The following NOSTRIN variants were observed in gnomAD, a reference collection of about 807,000 sequenced individuals.
The protein encoded by NOSTRIN is nitric oxide synthase trafficking.
A neutral mutation model predicts 59.0 loss-of-function variants in NOSTRIN; 63 were observed. The ratio of observed to expected loss-of-function variants is 1.07; its 90% confidence interval spans 0.87 to 1.32. The LOEUF (loss-of-function observed/expected upper bound fraction) is 1.32. Among genes scored for constraint, NOSTRIN ranks in the 40% most tolerant of loss-of-function variants. NOSTRIN has a pLI of 0.00. For missense variants in NOSTRIN, 512 were observed against 473.1 expected (o/e 1.08, Z -0.76); for synonymous variants, 200 against 165.4 (o/e 1.21, Z -1.61).
chr2:168,821,756 A>C (rs1686755416), intron 2 of NOSTRIN, among the ~76,000 whole-genome samples: 1 of 152,348 alleles, frequency 6.6e-6, no homozygotes, highest in African/African-American at 2.4e-5. Context: ...CTCTCGGCAG[A>C]GGCCACAGCA....
At chr2:168,788,712 T>G (rs971419095) in intron 2 of NOSTRIN, among the ~76,000 whole-genome samples, 46 of 152,110 alleles carry the variant, frequency 3.0e-4, no homozygotes, top group African/African-American at 1.1e-3. Flanking sequence ...TTCTCACTGC[T>G]GGAAAAGGGA....
intron 2 of NOSTRIN, among the ~76,000 whole-genome samples, chr2:168,790,050 T>G (rs1348319900): frequency 6.6e-6 from 1 of 152,222 alleles, no homozygotes; most frequent in African/African-American, 2.4e-5. Flanking sequence ...AGCTCATTCT[T>G]GTTTTAGTCA....
chr2:168,837,600 C>T (rs576001325), intron 7 of NOSTRIN, among the ~76,000 whole-genome samples: 36 of 152,172 alleles, frequency 2.4e-4, no homozygotes, highest in South Asian at 1.0e-3. Flanking sequence ...TGAGCCACCG[C>T]GCCCGGTCAC....
chr2:168,858,583 C>A (rs1689257288), intron 12 of NOSTRIN, among the ~76,000 whole-genome samples: 1 of 152,178 alleles, frequency 6.6e-6, no homozygotes, highest in Non-Finnish European at 1.5e-5. Flanking sequence ...AGAAGAAGAA[C>A]TAGATGTGCT....
chr2:168,855,586 C>T (rs1689029823), intron 11 of NOSTRIN, 126 bp downstream of exon 11: 1 of 194,474 alleles, frequency 5.1e-6, no homozygotes, highest in Non-Finnish European at 9.5e-6. Flanking sequence ...AACCATATAT[C>T]AAACTTCAGT....
Position 168,819,347 on chromosome 2 carries a change from C to T in NOSTRIN, c.114-5287C>T, listed in dbSNP as rs117667685. 5.7e-4 allele frequency among the ~76,000 whole-genome samples: 86 copies of T among 152,190 alleles called. No individual in the cohort carries two copies. In the East Asian group the frequency reaches 0.014, roughly 24 times the overall value. On this transcript the variant is annotated intron_variant, in intron 2 of 15. Coordinates refer to ENST00000317647, the MANE Select transcript of NOSTRIN (RefSeq NM_001039724.4). Reference sequence around the variant, plus strand: ...GGATACATATACTGCCTCATTAGACCGGAAGCATGGAAGAGCCGTGGAAGT... The same window carrying T: ...GGATACATATACTGCCTCATTAGACTGGAAGCATGGAAGAGCCGTGGAAGT...
chr2:168,828,290 A>G (rs1687164922), intron 4 of NOSTRIN, 70 bp downstream of exon 4: 1 of 871,316 alleles, frequency 1.1e-6, no homozygotes, highest in South Asian at 1.3e-5. Context: ...GTTTGCTACA[A>G]ATATTCCACT....
chr2:168,838,250 C>A (rs189085537), intron 7 of NOSTRIN, among the ~76,000 whole-genome samples: 109 of 152,244 alleles, frequency 7.2e-4, no homozygotes, highest in African/African-American at 2.5e-3. Context: ...CTTTGAATAT[C>A]ATCACCCACC....
rs1370544428 is a variant in NOSTRIN at position 168,821,291 on chromosome 2, T to G, written c.114-3343T>G. Among the ~76,000 whole-genome samples the G allele has an allele frequency of 2.0e-5, 3 of 152,230 alleles. No individual in the cohort carries two copies. In the East Asian group the frequency reaches 5.8e-4, roughly 29 times the overall value. The stretch of plus-strand genomic sequence containing the variant: ...TGCTTGACAGCAGTGTGCTCTAACA[T>G]CGGGGCTGAGCACCCAAACCAGAGA... On this transcript the variant is annotated intron_variant, in intron 2 of 15. Transcript: ENST00000317647.
upstream of NOSTRIN, among the ~76,000 whole-genome samples, chr2:168,793,393 G>A (rs1195966367): frequency 6.6e-6 from 1 of 152,132 alleles, no homozygotes; most frequent in Non-Finnish European, 1.5e-5. Context: ...GATTGCTTGA[G>A]CCCAGGAGCT....
At chr2:168,798,439 G>T (rs117439705), upstream of NOSTRIN, among the ~76,000 whole-genome samples, 1 of 152,060 alleles carries the variant, frequency 6.6e-6, no homozygotes, top group East Asian at 1.9e-4. Flanking sequence ...TCATAAATGC[G>T]TACTCATGTT....
chr2:168,823,721 A>G (rs1303036505), intron 2 of NOSTRIN, among the ~76,000 whole-genome samples: 3 of 152,198 alleles, frequency 2.0e-5, no homozygotes, highest in African/African-American at 7.2e-5. Context: ...GTAGGACTTC[A>G]ACTTCTTCTT....
chr2:168,861,840 T>G, intron 14 of NOSTRIN, 120 bp from the exon 15 acceptor site: 1 of 892,676 alleles, frequency 1.1e-6, no homozygotes, highest in Non-Finnish European at 1.7e-6. Context: ...CAAACTTTCC[T>G]TTTGAGAAAA....
At chr2:168,810,257 A>G (rs1419377179) in intron 1 of NOSTRIN, among the ~76,000 whole-genome samples, 3 of 152,180 alleles carry the variant, frequency 2.0e-5, no homozygotes, top group Non-Finnish European at 4.4e-5. Flanking sequence ...TTCAAGTCCT[A>G]TCACAGCTTT....
intron 7 of NOSTRIN, among the ~76,000 whole-genome samples, chr2:168,834,803 T>C (rs1219981689): frequency 6.6e-6 from 1 of 152,120 alleles, no homozygotes; most frequent in Non-Finnish European, 1.5e-5. Flanking sequence ...TCTCAGCTAA[T>C]ACCCCAAATA....
At chr2:168,830,399 C>A (rs1559119500) in intron 5 of NOSTRIN, among the ~76,000 whole-genome samples, 1 of 152,192 alleles carries the variant, frequency 6.6e-6, no homozygotes, top group Non-Finnish European at 1.5e-5. Flanking sequence ...TCTAAAGTGA[C>A]CTTGTTCCAC....
chr2:168,822,228 T>A (rs1042740833), intron 2 of NOSTRIN, among the ~76,000 whole-genome samples: 1 of 152,248 alleles, frequency 6.6e-6, no homozygotes, highest in African/African-American at 2.4e-5. Flanking sequence ...CCTTTCCTTA[T>A]GCCTGGGCAA....
intron 8 of NOSTRIN, among the ~76,000 whole-genome samples, chr2:168,849,939 C>G (rs1386220294): frequency 1.1e-5 from 1 of 94,224 alleles, no homozygotes; most frequent in African/African-American, 3.7e-5. Context: ...TTTTTTGAGA[C>G]AGTTTCACTT....
intron 10 of NOSTRIN, among the ~76,000 whole-genome samples, chr2:168,851,846 G>A (rs940335667): frequency 1.1e-4 from 16 of 151,850 alleles, no homozygotes; most frequent in African/African-American, 3.9e-4. Flanking sequence ...TTGTGTCTTA[G>A]CCAGGTGTCT....
Sources: gnomAD v4.1 joint callset for allele counts (sites outside exome capture counted in the v4.1 genomes callset) on GRCh38, gnomAD v4.1.1 for gene constraint, MANE v1.5 for transcripts, NCBI Gene and HGNC (gene_info 2026-07-23, HGNC 2026-07-21) for gene names.